LRRC4C: variants seen among roughly 807,000 people sequenced by gnomAD.
The protein encoded by LRRC4C is leucine rich repeat containing 4C, also known as leucine-rich repeat-containing protein 4C.
LRRC4C carries 5 observed loss-of-function variants against 33.6 expected under a neutral mutation model. The observed-to-expected ratio is 0.15, with a 90% CI of 0.08 to 0.31. The LOEUF is 0.31. Ranked by LOEUF, LRRC4C falls within the 10% of genes least tolerant of loss-of-function variation. LRRC4C has a pLI of 1.00. For missense variants in LRRC4C, 560 were observed against 796.7 expected (o/e 0.70, Z 3.58); for synonymous variants, 329 against 302.0 (o/e 1.09, Z -0.93).
intron 2 of LRRC4C, among the ~76,000 whole-genome samples, chr11:40,709,018 A>G (rs1946325097): frequency 6.6e-6 from 1 of 152,022 alleles, no homozygotes; most frequent in South Asian, 2.1e-4. Context: ...AGAGACTAGG[A>G]TTGCAACCTC....
At chr11:40,300,293 G>A (rs1944708506) in intron 4 of LRRC4C, among the ~76,000 whole-genome samples, 1 of 152,204 alleles carries the variant, frequency 6.6e-6, no homozygotes, top group South Asian at 2.1e-4. Context: ...GACTCCACAG[G>A]GACACAGATC....
intron 1 of LRRC4C, among the ~76,000 whole-genome samples, chr11:41,429,954 G>A (rs563136286): frequency 6.6e-6 from 1 of 152,108 alleles, no homozygotes; most frequent in African/African-American, 2.4e-5. Context: ...GTAATAAATG[G>A]TTAGAGAGGA....
At chr11:41,320,345 T>C (rs141963423) in intron 1 of LRRC4C, among the ~76,000 whole-genome samples, 184 of 152,308 alleles carry the variant, frequency 1.2e-3, no homozygotes, top group African/African-American at 4.3e-3. Context: ...CAATAAGGCA[T>C]CAAATCTTGT....
intron 3 of LRRC4C, among the ~76,000 whole-genome samples, chr11:40,612,375 G>A (rs997440781): frequency 2.0e-5 from 3 of 151,852 alleles, no homozygotes; most frequent in Non-Finnish European, 2.9e-5. Context: ...GTGGCTGCCA[G>A]GAGCTGGGGA....
chr11:41,296,499 G>T (rs1950147944), intron 1 of LRRC4C, among the ~76,000 whole-genome samples: 1 of 152,028 alleles, frequency 6.6e-6, no homozygotes, highest in Non-Finnish European at 1.5e-5. Context: ...ATTTTTAGTA[G>T]AGACGGGGTT....
chr11:40,302,069 T>A (rs1216964712), intron 4 of LRRC4C, among the ~76,000 whole-genome samples: 1 of 152,162 alleles, frequency 6.6e-6, no homozygotes, highest in African/African-American at 2.4e-5. Context: ...ACCTAATCCA[T>A]CAAAAACTGT....
At chr11:40,990,257 A>G (rs1853434857) in intron 1 of LRRC4C, among the ~76,000 whole-genome samples, 1 of 141,108 alleles carries the variant, frequency 7.1e-6, no homozygotes, top group Admixed American at 7.1e-5. Flanking sequence ...ATATATATAT[A>G]TATATATATA....
At chr11:40,217,927 AAC>A (rs1370395183) in intron 5 of LRRC4C, among the ~76,000 whole-genome samples, 1 of 152,190 alleles carries the variant, frequency 6.6e-6, no homozygotes, top group African/African-American at 2.4e-5. Context: ...ATTAAAAATA[AAC>A]ATTGGAAAGG....
intron 2 of LRRC4C, among the ~76,000 whole-genome samples, chr11:40,710,138 C>T (rs1278080163): frequency 6.6e-6 from 1 of 152,142 alleles, no homozygotes; most frequent in African/African-American, 2.4e-5. Flanking sequence ...TTTGAACATC[C>T]TCCTTTAGCT....
intron 3 of LRRC4C, among the ~76,000 whole-genome samples, chr11:40,391,381 C>T (rs1949331130): frequency 6.6e-6 from 1 of 152,172 alleles, no homozygotes; most frequent in Admixed American, 6.5e-5. Context: ...TCTACACCAA[C>T]ATCATAATCT....
At chr11:40,789,034 A>AGT (rs1428213096) in intron 2 of LRRC4C, among the ~76,000 whole-genome samples, 8 of 138,782 alleles carry the variant, frequency 5.8e-5, no homozygotes, top group African/African-American at 2.2e-4. Context: ...CAGAGCTTGC[A>AGT]GTGAGCCGAG....
At chr11:40,859,123 A>G (rs1953950127) in intron 2 of LRRC4C, among the ~76,000 whole-genome samples, 1 of 152,192 alleles carries the variant, frequency 6.6e-6, no homozygotes. Flanking sequence ...AAGAAACAAC[A>G]TCAGTGGGGA....
In LRRC4C at chr11:40,920,736, C is replaced by T. The variant is rs61886654; in HGVS notation, c.-407+12899G>A. Among the ~76,000 whole-genome samples the T allele has an allele frequency of 7.2e-3, 1,097 of 152,166 alleles. 7 individuals are homozygous for T. The highest frequency in any genetic ancestry group is 0.014 in the Middle Eastern group (4 of 294). ...GAGATCTTTGTGGTACGTAGAATAA[C>T]GTGCCTCCCATCCGAATATGACCAT... On this transcript the variant is annotated intron_variant, in intron 2 of 6. Transcript: ENST00000528697.
chr11:40,180,931 G>A (rs917508521), intron 5 of LRRC4C, among the ~76,000 whole-genome samples: 1 of 152,152 alleles, frequency 6.6e-6, no homozygotes, highest in African/African-American at 2.4e-5. Context: ...GAGATAGGCA[G>A]CATTTTTCTC....
At chr11:40,314,511 T>C (rs907723685) in intron 4 of LRRC4C, among the ~76,000 whole-genome samples, 5 of 151,990 alleles carry the variant, frequency 3.3e-5, no homozygotes, top group Admixed American at 6.6e-5. Context: ...AATCTACAAA[T>C]AGAACTGCCA....
chr11:41,179,571 CTT>C, intron 1 of LRRC4C, among the ~76,000 whole-genome samples: 1 of 152,272 alleles, frequency 6.6e-6, no homozygotes, highest in Admixed American at 6.5e-5. Context: ...TCTTCTGACT[CTT>C]TTCTCACATT....
At chr11:40,952,892 A>T (rs968794393) in intron 1 of LRRC4C, among the ~76,000 whole-genome samples, 48 of 49,692 alleles carry the variant, frequency 9.7e-4, no homozygotes, top group African/African-American at 2.1e-3. Flanking sequence ...ACACACACAC[A>T]CACACTCTCT....
chr11:40,154,035 G>A (rs11530044), intron 5 of LRRC4C, among the ~76,000 whole-genome samples: 13,537 of 152,074 alleles, frequency 0.089, 1,007 homozygotes, highest in East Asian at 0.39. Flanking sequence ...GTGACACAGA[G>A]GCACCAGGTA....
intron 1 of LRRC4C, among the ~76,000 whole-genome samples, chr11:41,315,938 T>C (rs1197897595): frequency 1.3e-5 from 2 of 152,200 alleles, no homozygotes; most frequent in East Asian, 1.9e-4. Flanking sequence ...AATTTAAATA[T>C]GTTTAATACA....
Sources: allele counts gnomAD v4.1 joint callset (sites outside exome capture counted in the v4.1 genomes callset), GRCh38; gene constraint gnomAD v4.1.1; transcripts MANE v1.5; gene names NCBI Gene and HGNC (gene_info 2026-07-23, HGNC 2026-07-21).